AKR1B15: variants seen among roughly 807,000 people sequenced by gnomAD.
AKR1B15 encodes aldo-keto reductase family 1 member B15, also known as estradiol 17-beta-dehydrogenase AKR1B15.
Under a neutral mutation model 38.5 loss-of-function variants are expected in AKR1B15, and 49 were observed. The ratio of observed to expected loss-of-function variants is 1.27; its 90% confidence interval spans 1.01 to 1.62. AKR1B15 has a LOEUF of 1.62. Ranked by LOEUF, AKR1B15 falls within the 40% of genes most tolerant of loss-of-function variation. The pLI, the probability that AKR1B15 is intolerant of heterozygous loss-of-function variation, is 0.00. For synonymous variants in AKR1B15, 137 were observed against 135.5 expected (o/e 1.01, Z -0.08); for missense variants, 411 against 381.6 (o/e 1.08, Z -0.64).
intron 2 of AKR1B15, among the ~76,000 whole-genome samples, chr7:134,560,938 C>A (rs1794369510): frequency 6.6e-6 from 1 of 152,190 alleles, no homozygotes; most frequent in South Asian, 2.1e-4. Context: ...ATTAGATAAT[C>A]CTCATTTTTT....
chr7:134,552,994 C>T (rs1562939708), intron 1 of AKR1B15, among the ~76,000 whole-genome samples: 1 of 152,162 alleles, frequency 6.6e-6, no homozygotes, highest in Non-Finnish European at 1.5e-5. Flanking sequence ...CTGCAACATA[C>T]TACGGACCTA....
rs1794845004 is a variant in AKR1B15, at chr7:134,579,869, A to G, written c.*320A>G. 1 of 251,296 alleles carries G rather than the reference A, an allele frequency of 4.0e-6. No individual in the cohort carries two copies. Among genetic ancestry groups the G allele is most frequent in the Admixed American group, 5.4e-5 (1 of 18,418 alleles). The allele number at this position is 251,296 out of a possible 1,614,324, so 15.6% of individuals were successfully genotyped here. A position where few individuals can be genotyped will look rare whatever the true frequency, so the allele number is the denominator to read the frequency against. ...TAAATAATAAAAAATAATGACTTTAACCAACATGTATTGAGAGTGTACTAT... is the reference window on the plus strand; with the variant it reads ...TAAATAATAAAAAATAATGACTTTAGCCAACATGTATTGAGAGTGTACTAT... On this transcript the variant is annotated 3_prime_UTR_variant, in exon 12 of 12. Coordinates refer to ENST00000457545, the MANE Select transcript of AKR1B15 (RefSeq NM_001080538.3).
chr7:134,549,273 C>G (rs982300405), intron 1 of AKR1B15, 24 bp downstream of exon 1: 5 of 152,416 alleles, frequency 3.3e-5, no homozygotes, highest in African/African-American at 7.2e-5. Context: ...GACTCTGTCT[C>G]TCTGGGAGGG....
chr7:134,556,113 C>G (rs772160389), intron 1 of AKR1B15, among the ~76,000 whole-genome samples: 3 of 152,152 alleles, frequency 2.0e-5, no homozygotes, highest in Non-Finnish European at 4.4e-5. Flanking sequence ...TGTTCACCAT[C>G]CAGAAAAAAT....
intron 10 of AKR1B15, 134 bp from the exon 11 acceptor site, chr7:134,577,570 G>T: frequency 3.0e-6 from 3 of 994,656 alleles, no homozygotes; most frequent in South Asian, 1.6e-5. Flanking sequence ...GTATCCCTTG[G>T]ACAGAATGGG....
intron 6 of AKR1B15, among the ~76,000 whole-genome samples, chr7:134,574,356 C>T (rs528581699): frequency 1.3e-5 from 2 of 152,228 alleles, no homozygotes; most frequent in East Asian, 3.9e-4. Flanking sequence ...TCTTTTCTCT[C>T]TCTCGGGGTT....
At position 134,565,665 on chromosome 7, in the gene AKR1B15, AGTCCTGGAGCTGGGACTCGG is replaced by A. The variant is rs564189476; in HGVS notation, c.150+899_150+918del. On this transcript the variant is annotated intron_variant, in intron 3 of 11. Coordinates refer to ENST00000457545, the MANE Select transcript of AKR1B15 (RefSeq NM_001080538.3). ...GTAGGGGTTTGGAGAGGTGAATTTC[AGTCCTGGAGCTGGGACTCGG>A]GTTGCTTTCTTTTCTCAAAGCTGAT... 1.7e-5 allele frequency: 25 copies of A among 1,504,078 alleles called. No individual in the cohort carries two copies. The East Asian group carries it at 6.0e-4, about 36-fold the overall frequency. 93.2% of individuals were successfully genotyped at this position (1,504,078 alleles called of 1,614,324 possible).
At chr7:134,577,314 C>G (rs1165397528) in intron 10 of AKR1B15, among the ~76,000 whole-genome samples, 1 of 152,170 alleles carries the variant, frequency 6.6e-6, no homozygotes, top group Non-Finnish European at 1.5e-5. Context: ...CCTCAGTTGC[C>G]CCTGAGCAGC....
intron 3 of AKR1B15, among the ~76,000 whole-genome samples, chr7:134,566,374 T>C (rs1041925520): frequency 6.6e-6 from 1 of 152,178 alleles, no homozygotes; most frequent in African/African-American, 2.4e-5. Flanking sequence ...CTTTAACAAG[T>C]TCCCTAGGTG....
At chr7:134,562,205 C>T (rs1794414981) in intron 2 of AKR1B15, among the ~76,000 whole-genome samples, 1 of 152,176 alleles carries the variant, frequency 6.6e-6, no homozygotes, top group South Asian at 2.1e-4. Flanking sequence ...AGCAGCGGAC[C>T]TTCACAGTGA....
chr7:134,562,954 T>C (rs959328986), intron 2 of AKR1B15, among the ~76,000 whole-genome samples: 1 of 151,050 alleles, frequency 6.6e-6, no homozygotes, highest in Non-Finnish European at 1.5e-5. Context: ...TCTCTTTCTG[T>C]CTTTTTCTGT....
intron 6 of AKR1B15, 39 bp downstream of exon 6, chr7:134,571,720 T>G (rs746549439): frequency 1.7e-5 from 26 of 1,493,542 alleles, no homozygotes; most frequent in Non-Finnish European, 2.4e-5. Context: ...GGGAGAGAAA[T>G]CCTCAGTTAT....
intron 3 of AKR1B15, chr7:134,565,424 G>C (rs1314008525): frequency 1.2e-5 from 20 of 1,611,018 alleles, no homozygotes; most frequent in Non-Finnish European, 1.7e-5. Flanking sequence ...ACCAACTCTG[G>C]ACACAGCAGG....
intron 2 of AKR1B15, among the ~76,000 whole-genome samples, chr7:134,563,142 T>A (rs1191857269): frequency 6.6e-6 from 1 of 151,802 alleles, no homozygotes; most frequent in Non-Finnish European, 1.5e-5. Context: ...TTGCAAAAGG[T>A]TGTCATGTTT....
At chr7:134,565,200 C>T in intron 3 of AKR1B15, 1 of 418,314 alleles carries the variant, frequency 2.4e-6, no homozygotes, top group Non-Finnish European at 4.3e-6. Context: ...CTCTTTGGGT[C>T]CACACCACCT....
chr7:134,578,265 T>C (rs1013243730), intron 11 of AKR1B15, among the ~76,000 whole-genome samples: 1 of 152,114 alleles, frequency 6.6e-6, no homozygotes, highest in Non-Finnish European at 1.5e-5. Flanking sequence ...CAGGAAGTGG[T>C]AGGTGGTAGT....
At chr7:134,559,770 G>A (rs946837483) in intron 2 of AKR1B15, among the ~76,000 whole-genome samples, 3 of 152,210 alleles carry the variant, frequency 2.0e-5, no homozygotes, top group Non-Finnish European at 4.4e-5. Flanking sequence ...AAGCTAGAAA[G>A]TAGCTAATCA....
At chr7:134,562,358 A>C (rs976472027) in intron 2 of AKR1B15, among the ~76,000 whole-genome samples, 97 of 152,248 alleles carry the variant, frequency 6.4e-4, no homozygotes, top group African/African-American at 2.2e-3. Flanking sequence ...GGCTGGGGTG[A>C]CCAGCTTTAA....
intron 6 of AKR1B15, among the ~76,000 whole-genome samples, chr7:134,574,366 T>TTTTGTTTG (rs748113778): frequency 1.3e-5 from 2 of 152,022 alleles, no homozygotes; most frequent in African/African-American, 4.8e-5. Context: ...CTCTCGGGGT[T>TTTTGTTTG]TTTGTTTGTT....
Sources: allele counts gnomAD v4.1 joint callset (sites outside exome capture counted in the v4.1 genomes callset), GRCh38; gene constraint gnomAD v4.1.1; transcripts MANE v1.5; gene names NCBI Gene and HGNC (gene_info 2026-07-23, HGNC 2026-07-21).